The following NRG1 variants were observed in gnomAD, a reference collection of about 807,000 sequenced individuals.
NRG1 encodes neuregulin 1.
A neutral mutation model predicts 63.8 loss-of-function variants in NRG1; 18 were observed. The ratio of observed to expected loss-of-function variants is 0.28; its 90% CI spans 0.19 to 0.42. NRG1 has a LOEUF of 0.42. NRG1 is among the 10% of genes least tolerant of loss of function. NRG1 has a pLI of 1.00. For synonymous variants in NRG1, 302 were observed against 301.3 expected, an observed-to-expected ratio of 1.00 and a Z score of -0.02; for missense variants, 762 against 814.7, an observed-to-expected ratio of 0.94 and a Z score of 0.79.
chr8:32,299,044 A>G (rs1160804503), intron 1 of NRG1, among the ~76,000 whole-genome samples: 1 of 151,052 alleles, frequency 6.6e-6, no homozygotes, highest in East Asian at 1.9e-4. Context: ...AAAAAAAAAA[A>G]AAAAGAAAGA....
intron 1 of NRG1, among the ~76,000 whole-genome samples, chr8:32,243,620 G>A (rs1848335411): frequency 1.3e-5 from 2 of 152,070 alleles, no homozygotes. Flanking sequence ...ATAGTAGTAA[G>A]ATGTCATGCT....
intron 1 of NRG1, among the ~76,000 whole-genome samples, chr8:32,000,942 T>C (rs974996994): frequency 6.6e-6 from 1 of 152,006 alleles, no homozygotes; most frequent in Non-Finnish European, 1.5e-5. Context: ...AATACCCCTA[T>C]TACACATACA....
intron 1 of NRG1, among the ~76,000 whole-genome samples, chr8:32,313,451 C>T (rs1448858391): frequency 1.3e-5 from 2 of 152,096 alleles, no homozygotes; most frequent in African/African-American, 4.8e-5. Context: ...TCTGAAAATG[C>T]CGAAGTGTCT....
intron 1 of NRG1, among the ~76,000 whole-genome samples, chr8:32,248,120 T>C (rs78217188): frequency 0.031 from 4,772 of 152,210 alleles, 124 homozygotes; most frequent in African/African-American, 0.072. Flanking sequence ...AAAATGACTC[T>C]ATTTTTTTCT....
chr8:31,696,100 C>G (rs1258536751), intron 1 of NRG1, among the ~76,000 whole-genome samples: 1 of 152,184 alleles, frequency 6.6e-6, no homozygotes, highest in African/African-American at 2.4e-5. Flanking sequence ...CAAAGTCTTA[C>G]TCTGTCGCCC....
At chr8:31,861,063 A>T (rs1282778481) in intron 1 of NRG1, among the ~76,000 whole-genome samples, 3 of 152,228 alleles carry the variant, frequency 2.0e-5, no homozygotes, top group African/African-American at 4.8e-5. Flanking sequence ...CCACACCGAT[A>T]GAGTGGTGTC....
rs1187509271 is a variant in NRG1, at chr8:32,082,135, AG to A, written c.37+442706del. 1.6e-4 allele frequency among the ~76,000 whole-genome samples: 24 copies of A among 152,138 alleles called. No individual in the cohort carries two copies. The Middle Eastern group carries it at 0.01, about 65-fold the overall frequency. On this transcript the variant is annotated intron_variant, in intron 1 of 10. Transcript: ENST00000519301. Reference sequence around the variant, plus strand: ...GAGCTTGTTGACAAAAACCAGGCTTAGGCAGAGGGATGATGATCCTGAGAGC... The same window carrying A: ...GAGCTTGTTGACAAAAACCAGGCTTAGCAGAGGGATGATGATCCTGAGAGC...
chr8:32,090,591 G>C (rs1269122676), intron 1 of NRG1, among the ~76,000 whole-genome samples: 1 of 152,176 alleles, frequency 6.6e-6, no homozygotes, highest in Non-Finnish European at 1.5e-5. Flanking sequence ...AAAGTGCTGA[G>C]ATTACAGGCG....
chr8:32,233,136 C>G (rs1177907173), intron 1 of NRG1, among the ~76,000 whole-genome samples: 1 of 152,104 alleles, frequency 6.6e-6, no homozygotes, highest in Non-Finnish European at 1.5e-5. Context: ...GGGTCTCACT[C>G]TGTTGCCCAT....
At chr8:31,890,060 AT>A (rs1831029639) in intron 1 of NRG1, among the ~76,000 whole-genome samples, 1 of 152,196 alleles carries the variant, frequency 6.6e-6, no homozygotes, top group Non-Finnish European at 1.5e-5. Context: ...TGTTCTGTAC[AT>A]TGCAGGATGT....
At chr8:32,477,276 G>A (rs376261726) in intron 1 of NRG1, among the ~76,000 whole-genome samples, 137 of 152,224 alleles carry the variant, frequency 9.0e-4, no homozygotes, top group African/African-American at 3.2e-3. Context: ...GAGGTCAGCG[G>A]CCACCACTGA....
intron 2 of NRG1, among the ~76,000 whole-genome samples, chr8:32,598,373 A>T (rs915357026): frequency 4.6e-5 from 7 of 152,054 alleles, no homozygotes; most frequent in East Asian, 3.9e-4. Flanking sequence ...GAATTTTTTT[A>T]AAAAAGTGAA....
intron 1 of NRG1, among the ~76,000 whole-genome samples, chr8:32,111,191 A>G (rs1039961658): frequency 2.0e-5 from 3 of 151,962 alleles, no homozygotes; most frequent in Non-Finnish European, 4.4e-5. Context: ...CTCTTGGCTC[A>G]CTGCAACCTC....
At chr8:32,262,583 T>C (rs1290275057) in intron 1 of NRG1, among the ~76,000 whole-genome samples, 1 of 152,168 alleles carries the variant, frequency 6.6e-6, no homozygotes, top group Admixed American at 6.5e-5. Context: ...AAAATGACAG[T>C]CAATGTTATC....
At chr8:32,065,637 T>A (rs958657720) in intron 1 of NRG1, among the ~76,000 whole-genome samples, 2 of 152,198 alleles carry the variant, frequency 1.3e-5, no homozygotes, top group African/African-American at 4.8e-5. Context: ...ATAGTGCCAC[T>A]ATAAACATAC....
chr8:32,054,863 C>CTTTT lies in NRG1; in HGVS notation c.37+415472_37+415475dup, dbSNP rs543522972. ...CCTTGAAAAGCAGATTTCTTTCTTT[C>CTTTT]TTTTTTTTTTTTTTTTTTTTTTTTT... On this transcript the variant is annotated intron_variant, in intron 1 of 10. Coordinates refer to the NRG1 transcript ENST00000519301. Among the ~76,000 whole-genome samples, 29 of 64,006 alleles carry CTTTT rather than the reference C, an allele frequency of 4.5e-4. 1 individual carries two copies. The highest frequency in any genetic ancestry group is 1.3e-3 in the African/African-American group (22 of 16,406). The allele number at this position is 64,006 out of a possible 152,430, so 42.0% of individuals were successfully genotyped here.
chr8:32,204,943 G>C (rs1423026256), intron 1 of NRG1, among the ~76,000 whole-genome samples: 1 of 152,078 alleles, frequency 6.6e-6, no homozygotes, highest in Admixed American at 6.6e-5. Context: ...TTCTATTAGG[G>C]AAAATACACG....
At chr8:32,466,076 G>A (rs895962455) in intron 1 of NRG1, among the ~76,000 whole-genome samples, 3 of 152,168 alleles carry the variant, frequency 2.0e-5, no homozygotes, top group African/African-American at 7.2e-5. Context: ...GCCGAGATGG[G>A]CTGATCGCTT....
intron 1 of NRG1, among the ~76,000 whole-genome samples, chr8:31,959,294 A>G (rs908765216): frequency 6.6e-6 from 1 of 152,218 alleles, no homozygotes. Flanking sequence ...AATGAATACA[A>G]TTAATCTGAT....
Sources: allele counts gnomAD v4.1 joint callset (sites outside exome capture counted in the v4.1 genomes callset), GRCh38; gene constraint gnomAD v4.1.1; transcripts MANE v1.5; gene names NCBI Gene and HGNC (gene_info 2026-07-23, HGNC 2026-07-21).